Variants in MTUS2 observed in about 807,000 individuals in gnomAD.
MTUS2 encodes the protein microtubule associated scaffold protein 2, also known as microtubule-associated tumor suppressor candidate 2.
Under a neutral mutation model 114.1 loss-of-function variants are expected in MTUS2, and 40 were observed. That is an observed-to-expected ratio of 0.35 (90% confidence interval 0.27 to 0.46). MTUS2 has a LOEUF of 0.46. Ranked by LOEUF, MTUS2 falls within the 20% of genes least tolerant of loss-of-function variation. The probability of loss-of-function intolerance (pLI) is 1.00; values close to 1 mark genes in which losing one functional copy is unlikely to be tolerated. For missense variants in MTUS2, 1,679 were observed against 1,705.4 expected (o/e 0.98, Z 0.27); for synonymous variants, 688 against 672.0 (o/e 1.02, Z -0.37).
chr13:28,852,840 C>T (rs1876367734), intron 2 of MTUS2, among the ~76,000 whole-genome samples: 1 of 152,036 alleles, frequency 6.6e-6, no homozygotes, highest in African/African-American at 2.4e-5. Flanking sequence ...GAGCGAGCCT[C>T]TATCTTAAAT....
chr13:29,195,138 A>T (rs1278845926), intron 5 of MTUS2, among the ~76,000 whole-genome samples: 2 of 151,554 alleles, frequency 1.3e-5, no homozygotes, highest in Non-Finnish European at 2.9e-5. Flanking sequence ...GATATACCTA[A>T]CGCTAAATGA....
intron 4 of MTUS2, among the ~76,000 whole-genome samples, chr13:29,089,243 T>C (rs74041728): frequency 6.6e-6 from 1 of 152,328 alleles, no homozygotes; most frequent in African/African-American, 2.4e-5. Context: ...AAATTCTTTG[T>C]TGGAACTTCT....
intron 2 of MTUS2, among the ~76,000 whole-genome samples, chr13:28,949,046 T>G (rs11843039): frequency 0.067 from 10,201 of 152,300 alleles, 1,142 homozygotes; most frequent in African/African-American, 0.23. Flanking sequence ...AAAGGGAACA[T>G]GTGTATGTAG....
At chr13:29,311,176 A>G (rs1899741736) in intron 6 of MTUS2, among the ~76,000 whole-genome samples, 1 of 152,214 alleles carries the variant, frequency 6.6e-6, no homozygotes, top group South Asian at 2.1e-4. Flanking sequence ...ACTTCAGGAT[A>G]TTGTTACCGC....
chr13:28,944,515 G>A (rs1882416370), intron 2 of MTUS2, among the ~76,000 whole-genome samples: 1 of 152,136 alleles, frequency 6.6e-6, no homozygotes, highest in Admixed American at 6.5e-5. Context: ...CATTCTTTGT[G>A]ATGAATCCTT....
At chr13:29,021,123 C>T (rs1017974885) in intron 2 of MTUS2, among the ~76,000 whole-genome samples, 2 of 152,080 alleles carry the variant, frequency 1.3e-5, no homozygotes, top group Non-Finnish European at 2.9e-5. Context: ...AAAAATTAGC[C>T]AGATGTGGTG....
chr13:28,886,946 T>C (rs1453584788), intron 2 of MTUS2, among the ~76,000 whole-genome samples: 10 of 152,154 alleles, frequency 6.6e-5, no homozygotes, highest in Non-Finnish European at 1.3e-4. Flanking sequence ...GCTTGGCAGG[T>C]TGGAGCGCTA....
chr13:29,070,643 A>AG (rs1459459453), intron 4 of MTUS2, among the ~76,000 whole-genome samples: 1 of 151,900 alleles, frequency 6.6e-6, no homozygotes, highest in Non-Finnish European at 1.5e-5. Context: ...TCAGAGAGAG[A>AG]GAGAGGTTTA....
intron 8 of MTUS2, among the ~76,000 whole-genome samples, chr13:29,372,550 G>T (rs1304479525): frequency 6.6e-6 from 1 of 152,082 alleles, no homozygotes; most frequent in East Asian, 1.9e-4. Context: ...ATCCACAGAA[G>T]AACATCCACC....
intron 2 of MTUS2, among the ~76,000 whole-genome samples, chr13:28,906,713 G>A (rs1880041789): frequency 6.6e-6 from 1 of 151,458 alleles, no homozygotes; most frequent in Non-Finnish European, 1.5e-5. Flanking sequence ...GTGTGGTGCT[G>A]AAAAAAATGT....
chr13:29,047,263 T>C (rs149005638), intron 4 of MTUS2, among the ~76,000 whole-genome samples: 53 of 152,314 alleles, frequency 3.5e-4, no homozygotes, highest in Middle Eastern at 6.8e-3. Flanking sequence ...GCTGCAGGGT[T>C]ATGGTGAAAG....
At chr13:29,000,893 A>C (rs4544098) in intron 2 of MTUS2, among the ~76,000 whole-genome samples, 2,688 of 151,872 alleles carry the variant, frequency 0.018, 79 homozygotes, top group African/African-American at 0.061. Flanking sequence ...TACGCAGCCC[A>C]CTCTAACCTG....
intron 1 of MTUS2, among the ~76,000 whole-genome samples, chr13:28,822,120 G>A (rs1361644957): frequency 2.6e-5 from 4 of 152,162 alleles, no homozygotes; most frequent in Non-Finnish European, 4.4e-5. Flanking sequence ...AGTAAATTAA[G>A]TGCAAAAAGT....
rs559309156 is a variant in MTUS2, at chr13:28,958,682, A to C, written c.-242-65775A>C. Among the ~76,000 whole-genome samples the C allele has an allele frequency of 1.2e-4, 18 of 152,356 alleles. No homozygotes were observed. In the South Asian group the frequency reaches 1.4e-3, roughly 12 times the overall value. On this transcript the variant is annotated intron_variant, in intron 2 of 15. Coordinates refer to ENST00000612955, the MANE Select transcript of MTUS2 (RefSeq NM_001033602.4). ...GGAACAGGCAATTACAGGAACTTCC[A>C]AAATTGGGTCAACAGGTCCCATTTA...
At chr13:29,341,864 A>G (rs1212333932) in intron 7 of MTUS2, among the ~76,000 whole-genome samples, 1 of 152,172 alleles carries the variant, frequency 6.6e-6, no homozygotes, top group South Asian at 2.1e-4. Flanking sequence ...ATTCTTCTGC[A>G]TGCAGCTTGC....
At chr13:29,302,719 C>A (rs1429535982) in intron 6 of MTUS2, among the ~76,000 whole-genome samples, 2 of 152,222 alleles carry the variant, frequency 1.3e-5, no homozygotes, top group Admixed American at 1.3e-4. Flanking sequence ...CTCAGCTATG[C>A]CAGCCTGCTG....
intron 6 of MTUS2, chr13:29,307,881 CCCT>C: frequency 3.5e-6 from 2 of 568,900 alleles, no homozygotes; most frequent in Non-Finnish European, 6.4e-6. Flanking sequence ...TGAGAATCCC[CCCT>C]CCTCAGAGTT....
intron 5 of MTUS2, among the ~76,000 whole-genome samples, chr13:29,229,147 G>A (rs1896227212): frequency 6.6e-6 from 1 of 151,548 alleles, no homozygotes; most frequent in African/African-American, 2.4e-5. Flanking sequence ...GTTTCTGCTG[G>A]CTCCCCTGTC....
At chr13:28,990,116 G>GT (rs1173704832) in intron 2 of MTUS2, among the ~76,000 whole-genome samples, 1 of 152,194 alleles carries the variant, frequency 6.6e-6, no homozygotes, top group African/African-American at 2.4e-5. Context: ...CATTCAACAT[G>GT]TATCTATGAA....
Sources: gnomAD v4.1 joint callset for allele counts (sites outside exome capture counted in the v4.1 genomes callset) on GRCh38, gnomAD v4.1.1 for gene constraint, MANE v1.5 for transcripts, NCBI Gene and HGNC (gene_info 2026-07-23, HGNC 2026-07-21) for gene names.